Variants in DLGAP1 observed in about 807,000 individuals in gnomAD.
DLGAP1 encodes the protein DLG associated protein 1, also known as disks large-associated protein 1.
A neutral mutation model predicts 90.8 loss-of-function variants in DLGAP1; 11 were observed. That is an observed-to-expected ratio of 0.12 (90% CI 0.08 to 0.20). The LOEUF (loss-of-function observed/expected upper bound fraction) is 0.20. Ranked by LOEUF, DLGAP1 falls within the 10% of genes least tolerant of loss-of-function variation. DLGAP1 has a pLI of 1.00. For synonymous variants in DLGAP1, 558 were observed against 540.7 expected (o/e 1.03, Z -0.44); for missense variants, 1,050 against 1,333.8 (o/e 0.79, Z 3.31).
At chr18:4,188,747 G>A (rs961452933) in intron 1 of DLGAP1, among the ~76,000 whole-genome samples, 1 of 152,112 alleles carries the variant, frequency 6.6e-6, no homozygotes, top group East Asian at 1.9e-4. Flanking sequence ...CCAAGTCTTT[G>A]CCATTGTAGA....
chr18:3,519,597 G>T (rs998366904), intron 10 of DLGAP1, among the ~76,000 whole-genome samples: 1 of 152,176 alleles, frequency 6.6e-6, no homozygotes, highest in African/African-American at 2.4e-5. Flanking sequence ...AATCCCCAAG[G>T]CAATAACAAT....
chr18:4,106,031 CAAAAA>C (rs60176243), intron 2 of DLGAP1, among the ~76,000 whole-genome samples: 1 of 102,242 alleles, frequency 9.8e-6, no homozygotes, highest in South Asian at 5.0e-4. Context: ...GGGTCCGTCT[CAAAAA>C]AAAAAAAAAA....
At chr18:4,320,302 G>A (rs1398426189) in intron 1 of DLGAP1, among the ~76,000 whole-genome samples, 1 of 152,138 alleles carries the variant, frequency 6.6e-6, no homozygotes, top group East Asian at 1.9e-4. Context: ...CATTTGATGA[G>A]TTCCCTTTTT....
chr18:3,810,658 C>T lies in DLGAP1; in HGVS notation c.1172+3401G>A, dbSNP rs558750746. ...CTCATAAGGGACTGAATCCTTCAAACTTCTAGAAAAATAATGATCTGCAGT... is the reference window on the plus strand; with the variant it reads ...CTCATAAGGGACTGAATCCTTCAAATTTCTAGAAAAATAATGATCTGCAGT... On this transcript the variant is annotated intron_variant, in intron 5 of 12. Coordinates refer to ENST00000315677, the MANE Select transcript of DLGAP1 (RefSeq NM_004746.4). 2.0e-5 allele frequency among the ~76,000 whole-genome samples: 3 copies of T among 152,176 alleles called. No individual in the cohort carries two copies. The East Asian group carries it at 5.8e-4, about 29-fold the overall frequency.
rs1309710270 is a variant in DLGAP1 at position 4,454,943 on chromosome 18, C to T, written c.-267+63G>A. Reference sequence around the variant, plus strand: ...CGCGGCAGGCAGCAGCCAGGAGCCACCCAGCGCGCCGCGACCGCCGCCGCC... The same window carrying T: ...CGCGGCAGGCAGCAGCCAGGAGCCATCCAGCGCGCCGCGACCGCCGCCGCC... On this transcript the variant is annotated intron_variant, in intron 1 of 12. Transcript: ENST00000315677. The surrounding 1 kb of genome is among the most constrained non-coding windows in gnomAD (Gnocchi z 4.7). The T allele has an allele frequency of 6.7e-6, 1 of 150,352 alleles. No individual in the cohort carries two copies. 9.3% of individuals were successfully genotyped at this position (150,352 alleles called of 1,614,324 possible).
intron 5 of DLGAP1, among the ~76,000 whole-genome samples, chr18:3,747,958 G>A (rs2063338795): frequency 6.6e-6 from 1 of 152,168 alleles, no homozygotes; most frequent in Admixed American, 6.5e-5. Context: ...CACCAAAATA[G>A]TGCATCGATG....
chr18:3,742,749 T>C (rs2063109842), intron 5 of DLGAP1, among the ~76,000 whole-genome samples: 1 of 152,288 alleles, frequency 6.6e-6, no homozygotes, highest in Non-Finnish European at 1.5e-5. Flanking sequence ...CATGAACTAA[T>C]TGCCTCATTC....
At chr18:4,069,242 T>C (rs918972821) in intron 2 of DLGAP1, among the ~76,000 whole-genome samples, 5 of 152,196 alleles carry the variant, frequency 3.3e-5, no homozygotes, top group African/African-American at 9.7e-5. Flanking sequence ...TGGTTCATAG[T>C]CAGTACTTAA....
chr18:3,535,533 C>T (rs1352060184), intron 9 of DLGAP1, among the ~76,000 whole-genome samples: 3 of 149,812 alleles, frequency 2.0e-5, no homozygotes, highest in African/African-American at 7.4e-5. Flanking sequence ...CGGTGAAACC[C>T]CGTATCTACC....
chr18:4,002,750 T>G (rs1057080696), intron 3 of DLGAP1, among the ~76,000 whole-genome samples: 2 of 152,154 alleles, frequency 1.3e-5, no homozygotes, highest in African/African-American at 4.8e-5. Context: ...ATCGCCACAT[T>G]ATTCCGGGGT....
At chr18:4,174,175 C>T (rs890221903) in intron 1 of DLGAP1, among the ~76,000 whole-genome samples, 2 of 152,064 alleles carry the variant, frequency 1.3e-5, no homozygotes, top group Non-Finnish European at 2.9e-5. Flanking sequence ...ACAGCACTCC[C>T]AATTACCTGA....
In DLGAP1 at chr18:3,962,072, T is replaced by C. The variant is rs1357160938; in HGVS notation, c.-73+43044A>G. Among the ~76,000 whole-genome samples the C allele has an allele frequency of 5.3e-5, 8 of 152,306 alleles. No homozygotes were observed. The East Asian group carries it at 5.8e-4, about 11-fold the overall frequency. ...CAGTAGAAGATATTACCTTAGGATA[T>C]TGATTCTCAAAAAGATCTGGGAATT... On this transcript the variant is annotated intron_variant, in intron 3 of 12. Coordinates refer to ENST00000315677, the MANE Select transcript of DLGAP1 (RefSeq NM_004746.4).
intron 10 of DLGAP1, among the ~76,000 whole-genome samples, chr18:3,515,622 T>C (rs2050797230): frequency 6.6e-6 from 1 of 151,450 alleles, no homozygotes; most frequent in East Asian, 2.0e-4. Context: ...CTACTAAAAA[T>C]ACGAAAAATT....
intron 1 of DLGAP1, among the ~76,000 whole-genome samples, chr18:4,322,671 C>T (rs2080720200): frequency 6.6e-6 from 1 of 152,078 alleles, no homozygotes. Context: ...TAAAAAGCTA[C>T]TGCATAGAGG....
At chr18:4,141,957 CTAGG>C (rs1325429394) in intron 2 of DLGAP1, among the ~76,000 whole-genome samples, 1 of 152,052 alleles carries the variant, frequency 6.6e-6, no homozygotes, top group African/African-American at 2.4e-5. Flanking sequence ...CTCTGTATCT[CTAGG>C]ATTGGTCCCT....
At chr18:3,808,514 TTA>T (rs1267272617) in intron 5 of DLGAP1, among the ~76,000 whole-genome samples, 1 of 152,158 alleles carries the variant, frequency 6.6e-6, no homozygotes, top group Non-Finnish European at 1.5e-5. Context: ...GCATTTGCTA[TTA>T]TACGTTACAA....
chr18:3,515,527 C>T (rs1266214894), intron 10 of DLGAP1, among the ~76,000 whole-genome samples: 1 of 145,614 alleles, frequency 6.9e-6, no homozygotes, highest in African/African-American at 2.5e-5. Context: ...GCCTGTAATC[C>T]CAGCACTTTG....
intron 2 of DLGAP1, among the ~76,000 whole-genome samples, chr18:4,017,885 T>C (rs1299361552): frequency 1.3e-5 from 2 of 151,886 alleles, no homozygotes; most frequent in Non-Finnish European, 2.9e-5. Context: ...AGTTGGTCAA[T>C]GGAGAAGGCA....
At chr18:4,099,136 G>A (rs1260595404) in intron 2 of DLGAP1, among the ~76,000 whole-genome samples, 1 of 152,098 alleles carries the variant, frequency 6.6e-6, no homozygotes, top group Non-Finnish European at 1.5e-5. Context: ...ATGACATAAA[G>A]CACTTAAGTA....
Sources: allele counts gnomAD v4.1 joint callset (sites outside exome capture counted in the v4.1 genomes callset), GRCh38; gene constraint gnomAD v4.1.1; non-coding constraint Gnocchi (gnomAD v3.1); transcripts MANE v1.5; gene names NCBI Gene and HGNC (gene_info 2026-07-23, HGNC 2026-07-21).